PRKAR2A: variants seen among roughly 807,000 people sequenced by gnomAD.
PRKAR2A encodes protein kinase cAMP-dependent type II regulatory subunit alpha, also known as cAMP-dependent protein kinase type II-alpha regulatory subunit.
PRKAR2A carries 29 observed loss-of-function variants against 51.9 expected under a neutral mutation model. The ratio of observed to expected loss-of-function variants is 0.56; its 90% CI spans 0.42 to 0.76. The LOEUF is 0.76. PRKAR2A is among the 30% of genes least tolerant of loss of function. PRKAR2A has a pLI of 0.00. For synonymous variants in PRKAR2A, 178 were observed against 186.2 expected (o/e 0.96, Z 0.36); for missense variants, 445 against 512.1 (o/e 0.87, Z 1.26).
intron 1 of PRKAR2A, among the ~76,000 whole-genome samples, chr3:48,813,405 T>TAA (rs34930159): frequency 6.6e-6 from 1 of 151,058 alleles, no homozygotes; most frequent in Non-Finnish European, 1.5e-5. Flanking sequence ...CCTGTCTCTT[T>TAA]AAAAAAAAGG....
intron 1 of PRKAR2A, among the ~76,000 whole-genome samples, chr3:48,840,677 C>T (rs1441536948): frequency 2.2e-5 from 3 of 135,376 alleles, no homozygotes; most frequent in Admixed American, 1.6e-4. Flanking sequence ...CCTGGGTTCA[C>T]GCCATTCTCC....
At chr3:48,788,665 T>A (rs2082334116) in intron 4 of PRKAR2A, among the ~76,000 whole-genome samples, 1 of 152,042 alleles carries the variant, frequency 6.6e-6, no homozygotes, top group African/African-American at 2.4e-5. Context: ...ATGGGATTAG[T>A]TCCCCTATAA....
chr3:48,832,166 C>A (rs1464091459), intron 1 of PRKAR2A, among the ~76,000 whole-genome samples: 1 of 151,576 alleles, frequency 6.6e-6, no homozygotes, highest in Non-Finnish European at 1.5e-5. Context: ...TGGTGGCGGG[C>A]GCCTGTAATC....
intron 5 of PRKAR2A, among the ~76,000 whole-genome samples, chr3:48,778,035 G>C (rs1322104399): frequency 1.3e-5 from 2 of 152,120 alleles, no homozygotes; most frequent in African/African-American, 4.8e-5. Context: ...ATATAATGGG[G>C]CATATGTTTT....
At chr3:48,787,856 A>G (rs1323073369) in intron 4 of PRKAR2A, among the ~76,000 whole-genome samples, 1 of 152,166 alleles carries the variant, frequency 6.6e-6, no homozygotes, top group East Asian at 1.9e-4. Flanking sequence ...ATATCTGACC[A>G]GCCCAGATTC....
At chr3:48,754,346 T>C (rs1487241493) in intron 9 of PRKAR2A, among the ~76,000 whole-genome samples, 3 of 151,778 alleles carry the variant, frequency 2.0e-5, no homozygotes, top group Non-Finnish European at 2.9e-5. Flanking sequence ...CAAGCGATTC[T>C]CCTGCCTCAG....
intron 1 of PRKAR2A, among the ~76,000 whole-genome samples, chr3:48,822,424 A>G (rs190054038): frequency 1.1e-3 from 175 of 152,242 alleles, no homozygotes; most frequent in African/African-American, 3.5e-3. Context: ...AGCACTCACA[A>G]TATCTACTAA....
chr3:48,846,906 T>C (rs780657918), intron 1 of PRKAR2A, among the ~76,000 whole-genome samples: 2 of 152,262 alleles, frequency 1.3e-5, no homozygotes, highest in Non-Finnish European at 2.9e-5. Flanking sequence ...CTCTTTTGTC[T>C]ATGCTTAAAA....
At chr3:48,760,349 C>T (rs1428381178) in intron 8 of PRKAR2A, among the ~76,000 whole-genome samples, 4 of 152,044 alleles carry the variant, frequency 2.6e-5, no homozygotes, top group African/African-American at 9.7e-5. Context: ...AAGAGCAAGA[C>T]TCTGTCTCAA....
At chr3:48,759,356 G>A (rs1280060630) in intron 8 of PRKAR2A, among the ~76,000 whole-genome samples, 3 of 151,144 alleles carry the variant, frequency 2.0e-5, no homozygotes, top group Non-Finnish European at 4.4e-5. Context: ...AGTTGGAAAA[G>A]AGAGCTCACT....
intron 2 of PRKAR2A, among the ~76,000 whole-genome samples, chr3:48,803,081 T>C (rs2082615748): frequency 6.6e-6 from 1 of 152,072 alleles, no homozygotes; most frequent in Non-Finnish European, 1.5e-5. Context: ...TAGGAGGTTT[T>C]GAGAAGGGGA....
chr3:48,790,517 T>C (rs2082366536), intron 4 of PRKAR2A, 27 bp downstream of exon 4: 3 of 1,474,220 alleles, frequency 2.0e-6, no homozygotes, highest in South Asian at 1.3e-5. Flanking sequence ...ATCATTATAA[T>C]AAAAATACTT....
intron 9 of PRKAR2A, among the ~76,000 whole-genome samples, chr3:48,755,411 G>A (rs986006393): frequency 3.3e-5 from 5 of 151,854 alleles, no homozygotes; most frequent in Non-Finnish European, 5.9e-5. Context: ...AAAAGAAACC[G>A]AAAAATCTGG....
intron 1 of PRKAR2A, among the ~76,000 whole-genome samples, chr3:48,833,159 C>A (rs940789009): frequency 1.3e-5 from 2 of 152,188 alleles, no homozygotes; most frequent in Non-Finnish European, 1.5e-5. Flanking sequence ...CCTCAGCCCC[C>A]CAAGTAGCTG....
chr3:48,752,916 C>CT (rs59163654), intron 9 of PRKAR2A, among the ~76,000 whole-genome samples: 670 of 47,554 alleles, frequency 0.014, 107 homozygotes, highest in Non-Finnish European at 0.02. Context: ...TTCCCTCCTC[C>CT]TTTTTTTTTT....
intron 6 of PRKAR2A, among the ~76,000 whole-genome samples, chr3:48,769,400 G>A (rs543477402): frequency 3.3e-4 from 50 of 151,504 alleles, no homozygotes; most frequent in African/African-American, 7.5e-4. Flanking sequence ...CTCATGATCC[G>A]CCCGCCTTGG....
At chr3:48,789,318 A>G (rs562552382) in intron 4 of PRKAR2A, among the ~76,000 whole-genome samples, 18 of 152,136 alleles carry the variant, frequency 1.2e-4, no homozygotes, top group Non-Finnish European at 2.1e-4. Flanking sequence ...ACTGATGTCA[A>G]TTGGAACACA....
chr3:48,759,039 TACTTC>T (rs1461487237), intron 8 of PRKAR2A, among the ~76,000 whole-genome samples: 6 of 152,226 alleles, frequency 3.9e-5, no homozygotes, highest in Non-Finnish European at 8.8e-5. Context: ...GATTTGGTAA[TACTTC>T]ACTACAATGG....
chr3:48,824,868 C>A (rs2083033624), intron 1 of PRKAR2A, among the ~76,000 whole-genome samples: 1 of 151,628 alleles, frequency 6.6e-6, no homozygotes, highest in Non-Finnish European at 1.5e-5. Flanking sequence ...ATCACTTGAA[C>A]CCGGGAGGCG....
Sources: gnomAD v4.1 joint callset for allele counts (sites outside exome capture counted in the v4.1 genomes callset) on GRCh38, gnomAD v4.1.1 for gene constraint, MANE v1.5 for transcripts, NCBI Gene and HGNC (gene_info 2026-07-23, HGNC 2026-07-21) for gene names.